ZNFX1: variants seen among roughly 807,000 people sequenced by gnomAD.
The protein encoded by ZNFX1 is NFX1-type zinc finger-containing protein 1.
ZNFX1 carries 78 observed loss-of-function variants against 179.8 expected under a neutral mutation model. The observed-to-expected ratio is 0.43, with a 90% confidence interval of 0.36 to 0.52. The LOEUF is 0.52. ZNFX1 is among the 20% of genes least tolerant of loss of function. ZNFX1 has a pLI of 0.00. For missense variants in ZNFX1, 1,927 were observed against 2,386.6 expected (o/e 0.81, Z 4.01); for synonymous variants, 848 against 868.5 (o/e 0.98, Z 0.42).
intron 1 of ZNFX1, among the ~76,000 whole-genome samples, chr20:49,276,195 T>C (rs1568988607): frequency 6.6e-6 from 1 of 152,232 alleles, no homozygotes; most frequent in Non-Finnish European, 1.5e-5. Flanking sequence ...TTTATGCCTT[T>C]AGCCAAGTTA....
Position 49,249,222 on chromosome 20 carries a change from G to A in ZNFX1, c.3802C>T (p.Pro1268Ser). 2 of 1,614,196 alleles carry A rather than the reference G, an allele frequency of 1.2e-6. No individual in the cohort carries two copies. Among genetic ancestry groups the A allele is most frequent in the Non-Finnish European group, 1.7e-6 (2 of 1,180,032 alleles). ...PMLRLCCQNH[P>S]ETHTLVSKAS... is the part of the protein sequence containing the mutation. ...TTGGATACTAAGGTGTGGGTTTCAG[G>A]GTGGTTCTGGCAGCAGAGCCGGAGC... The change falls in exon 14 of 14, where the codon CCT becomes TCT. Residue 1268 changes from proline to serine, a missense_variant. Transcript: ENST00000396105.
intron 1 of ZNFX1, 91 bp downstream of exon 1, chr20:49,277,930 G>C (rs1482989236): frequency 6.5e-6 from 1 of 154,592 alleles, no homozygotes. Flanking sequence ...CAGGTCTTAC[G>C]GGCAGAGGCA....
chr20:49,264,665 T>G, intron 5 of ZNFX1, 51 bp downstream of exon 5: 1 of 1,597,242 alleles, frequency 6.3e-7, no homozygotes, highest in Non-Finnish European at 8.6e-7. Flanking sequence ...CACTGCTATC[T>G]TGTTTAGGTC....
intron 7 of ZNFX1, 29 bp from the exon 8 acceptor site, chr20:49,257,693 A>T: frequency 1.3e-6 from 2 of 1,546,280 alleles, no homozygotes; most frequent in Non-Finnish European, 1.7e-6. Context: ...CAGGAGAGAG[A>T]TGAAAACTCT....
At chr20:49,255,735 T>C (rs112740898) in intron 9 of ZNFX1, 73 bp downstream of exon 9, 11 of 1,509,894 alleles carry the variant, frequency 7.3e-6, no homozygotes, top group Admixed American at 6.2e-5. Context: ...GTTGAAGGTC[T>C]TGGAGGTGGA....
intron 12 of ZNFX1, among the ~76,000 whole-genome samples, chr20:49,252,029 C>G (rs555864148): frequency 1.3e-5 from 2 of 152,016 alleles, no homozygotes; most frequent in Non-Finnish European, 2.9e-5. Flanking sequence ...GACAGTGTTT[C>G]GCCATGTTGG....
chr20:49,271,466 T>G lies in ZNFX1; in HGVS notation c.346A>C (p.Arg116=), dbSNP rs966952984. 1 of 1,614,186 alleles carries G rather than the reference T, an allele frequency of 6.2e-7. No individual in the cohort carries two copies. Among genetic ancestry groups the G allele is most frequent in the Non-Finnish European group, 8.5e-7 (1 of 1,180,018 alleles). ...RNGNQDCRNR[R]PPWSNDNFQQ... ...AAGTTGTCATTGGACCATGGTGGTC[T>G]GCGGTTCCTACAGTCCTGGTTGCCA... Residue 116 remains arginine, a synonymous_variant, in exon 3 of 14, where the codon AGA becomes CGA. Transcript: ENST00000396105.
chr20:49,258,200 A>G (rs1293802218), intron 7 of ZNFX1, among the ~76,000 whole-genome samples: 1 of 150,158 alleles, frequency 6.7e-6, no homozygotes, highest in Non-Finnish European at 1.5e-5. Context: ...GGTTCAAGCG[A>G]TTCTCCTGCC....
Position 49,257,679 on chromosome 20 carries a change from C to T in ZNFX1, c.2417-15G>A. The T allele has an allele frequency of 1.9e-6, 3 of 1,607,344 alleles. No individual in the cohort carries two copies. Among genetic ancestry groups the T allele is most frequent in the Non-Finnish European group, 2.5e-6 (3 of 1,177,206 alleles). On this transcript the variant is annotated splice_polypyrimidine_tract_variant and intron_variant, in intron 7 of 13. Transcript: ENST00000396105. ...TTCTGCCTGGGCTAAGAGAGAGAAA[C>T]AGGCAGGAGAGAGATGAAAACTCTT...
At position 49,249,433 on chromosome 20, in the gene ZNFX1, G is replaced by A. The variant is rs1191012991; in HGVS notation, c.3591C>T (p.Leu1197=). 1.9e-6 allele frequency: 3 copies of A among 1,614,250 alleles called. No homozygotes were observed. Among genetic ancestry groups the A allele is most frequent in the Admixed American group, 1.7e-5 (1 of 60,032 alleles). Residue 1197 remains leucine, a synonymous_variant, in exon 14 of 14, where the codon CTC becomes CTT. Transcript: ENST00000396105. ...CTTCTTGGTTGCTCCGCACTAGCGA[G>A]AGGAGGATGATGTCATTCTCTTCCC... ...YQGEENDIIL[L]SLVRSNQEGK... is the part of the protein sequence containing the mutation.
In ZNFX1 at chr20:49,264,757, G is replaced by A. The variant is rs201534130; in HGVS notation, c.2110C>T (p.Arg704Cys). The stretch of plus-strand genomic sequence containing the variant: ...CGGAGGTGCATGGGGAGGTTGCGGC[G>A]GAATTCCCGCTTGTTCCTCAGCTCC... ...LRELRNKREF[R>C]RNLPMHLRRA... is the part of the protein sequence containing the mutation. The change falls in exon 5 of 14, where the codon CGC becomes TGC. Residue 704 changes from arginine to cysteine, a missense_variant. Arg to Cys is a radical substitution (Grantham distance 180). Transcript: ENST00000396105. The A allele has an allele frequency of 3.0e-5, 49 of 1,613,992 alleles. No homozygotes were observed. The highest frequency in any genetic ancestry group is 3.8e-5 in the Non-Finnish European group (45 of 1,180,042).
rs757125985 is a variant in ZNFX1, at chr20:49,266,130, A to AT, written c.2002+4dup. On this transcript the variant is annotated splice_donor_region_variant and intron_variant, in intron 4 of 13. Coordinates refer to ENST00000396105, the MANE Select transcript of ZNFX1 (RefSeq NM_021035.3). ...ATAGAGAACAAATTTGCCTATAAGT[A>AT]TTACCTTCCAGAAACTGGTCCAAAG... 44 of 1,606,464 alleles carry AT rather than the reference A, an allele frequency of 2.7e-5. No homozygotes were observed. Among genetic ancestry groups the AT allele is most frequent in the Non-Finnish European group, 3.6e-5 (43 of 1,178,306 alleles).
At chr20:49,252,325 A>T (rs238214) in intron 12 of ZNFX1, among the ~76,000 whole-genome samples, 103,182 of 150,990 alleles carry the variant, frequency 0.68, 36,163 homozygotes, top group Non-Finnish European at 0.77. Context: ...CATTTTTAGT[A>T]GAGACAGGCT....
intron 7 of ZNFX1, among the ~76,000 whole-genome samples, chr20:49,258,464 A>G (rs1981028164): frequency 6.6e-6 from 1 of 152,130 alleles, no homozygotes; most frequent in Non-Finnish European, 1.5e-5. Flanking sequence ...CTCCTTATAT[A>G]CTTTTTGTTA....
intron 10 of ZNFX1, 139 bp from the exon 11 acceptor site, chr20:49,253,950 G>C: frequency 1.0e-6 from 1 of 987,590 alleles, no homozygotes; most frequent in Middle Eastern, 3.2e-4. Flanking sequence ...GTTCTGGGTG[G>C]TCTCCAGAAC....
At chr20:49,261,359 C>T (rs1294661528) in intron 6 of ZNFX1, among the ~76,000 whole-genome samples, 2 of 152,040 alleles carry the variant, frequency 1.3e-5, no homozygotes, top group African/African-American at 2.4e-5. Flanking sequence ...ACATATATAC[C>T]ATGGAATACT....
At chr20:49,260,284 C>G (rs1473596050) in intron 7 of ZNFX1, among the ~76,000 whole-genome samples, 179 bp downstream of exon 7, 1 of 97,864 alleles carries the variant, frequency 1.0e-5, no homozygotes, top group Non-Finnish European at 2.2e-5. Flanking sequence ...AGTGAAACTC[C>G]ATCTCAAAAA....
Position 49,247,976 on chromosome 20 carries a change from A to C in ZNFX1, c.5048T>G (p.Leu1683Arg). The change falls in exon 14 of 14, where the codon CTG becomes CGG. Residue 1683 changes from leucine to arginine, a missense_variant. Physicochemically the swap from Leu to Arg is moderately radical, Grantham distance 102. Coordinates refer to ENST00000396105, the MANE Select transcript of ZNFX1 (RefSeq NM_021035.3). ...CTGGGCCAGCTTCTCCTTTAACATC[A>C]GGAAGTCTTCAGGAAGCAGCTGGTG... is the stretch of plus-strand genomic sequence containing the variant. The part of the protein sequence containing the change: ...LLHQLLPEDF[L>R]MLKEKLAQKN... 1 of 1,614,082 alleles carries C rather than the reference A, an allele frequency of 6.2e-7. No individual in the cohort carries two copies. Among genetic ancestry groups the C allele is most frequent in the South Asian group, 1.1e-5 (1 of 91,076 alleles).
Position 49,248,895 on chromosome 20 carries a change from AGCAAGG to A in ZNFX1, c.4123_4128del (p.Pro1375_Cys1376del). 1 of 1,614,274 alleles carries A rather than the reference AGCAAGG, an allele frequency of 6.2e-7. No homozygotes were observed. The highest frequency in any genetic ancestry group is 8.5e-7 in the Non-Finnish European group (1 of 1,180,052). On this transcript the variant is annotated inframe_deletion, in exon 14 of 14. Coordinates refer to ENST00000396105, the MANE Select transcript of ZNFX1 (RefSeq NM_021035.3). The surrounding 1 kb of genome is among the most constrained non-coding windows in gnomAD (Gnocchi z 4.6). ...CTGTGCCCACATCTCAGAGACTTGG[AGCAAGG>A]CTCCTGGCAGCAGAAATCTGACTCA...
Sources: gnomAD v4.1 joint callset for allele counts (sites outside exome capture counted in the v4.1 genomes callset) on GRCh38, gnomAD v4.1.1 for gene constraint, Gnocchi (gnomAD v3.1) non-coding constraint, MANE v1.5 for transcripts, NCBI Gene and HGNC (gene_info 2026-07-23, HGNC 2026-07-21) for gene names.